Variants in TMTC4 observed in about 807,000 individuals in gnomAD.
TMTC4 encodes protein O-mannosyl-transferase TMTC4.
A neutral mutation model predicts 86.0 loss-of-function variants in TMTC4; 65 were observed. That is an observed-to-expected ratio of 0.76 (90% confidence interval 0.62 to 0.93). The LOEUF (loss-of-function observed/expected upper bound fraction) is 0.93. Ranked by LOEUF, TMTC4 falls within the 40% of genes least tolerant of loss-of-function variation. TMTC4 has a pLI of 0.00. For missense variants in TMTC4, 866 were observed against 948.1 expected, an observed-to-expected ratio of 0.91 and a Z score of 1.14; for synonymous variants, 379 against 382.5, an observed-to-expected ratio of 0.99 and a Z score of 0.11.
chr13:100,618,288 T>C (rs944465543), intron 15 of TMTC4, among the ~76,000 whole-genome samples: 2 of 152,154 alleles, frequency 1.3e-5, no homozygotes, highest in African/African-American at 4.8e-5. Flanking sequence ...TGAAGAGAGA[T>C]AGCTTGACTT....
At chr13:100,668,101 T>C (rs1886611455) in intron 3 of TMTC4, among the ~76,000 whole-genome samples, 1 of 152,288 alleles carries the variant, frequency 6.6e-6, no homozygotes, top group Middle Eastern at 3.4e-3. Flanking sequence ...GTCAGCAGGC[T>C]GTCCCGACAG....
At chr13:100,634,017 G>A (rs991941551) in intron 12 of TMTC4, among the ~76,000 whole-genome samples, 2 of 151,958 alleles carry the variant, frequency 1.3e-5, no homozygotes, top group Admixed American at 6.5e-5. Context: ...GCAAGCGCCT[G>A]TAATCTAGCT....
At chr13:100,613,769 C>T (rs1336121268) in intron 16 of TMTC4, among the ~76,000 whole-genome samples, 1 of 138,720 alleles carries the variant, frequency 7.2e-6, no homozygotes. Flanking sequence ...CCCTCCCTTC[C>T]CTCCCTCCCT....
At chr13:100,651,581 C>A (rs1344647166) in intron 6 of TMTC4, among the ~76,000 whole-genome samples, 1 of 149,378 alleles carries the variant, frequency 6.7e-6, no homozygotes, top group Non-Finnish European at 1.5e-5. Flanking sequence ...TACTAGGATT[C>A]CAGAGGTTAG....
At chr13:100,658,249 G>A (rs1158964475) in intron 5 of TMTC4, among the ~76,000 whole-genome samples, 1 of 152,124 alleles carries the variant, frequency 6.6e-6, no homozygotes, top group African/African-American at 2.4e-5. Context: ...GGGTCCTATG[G>A]GGTATGTCTA....
At position 100,635,148 on chromosome 13, in the gene TMTC4, G is replaced by A. The variant is rs559777662; in HGVS notation, c.1250C>T (p.Ala417Val). The change falls in exon 11 of 19, where the codon GCG (alanine) becomes GTG (valine). Residue 417 changes from alanine to valine, a missense_variant. Transcript: ENST00000342624. Reference protein sequence around the residue: ...LGFLVIPFLPASNLFFRVGFV... With the variant: ...LGFLVIPFLPVSNLFFRVGFV... ...GCCCACTCGGAAGAACAGGTTACTC[G>A]CGGGGAGAAATGGGATAACGAGAAA... The A allele has an allele frequency of 8.7e-6, 14 of 1,613,462 alleles. No homozygotes were observed. Among genetic ancestry groups the A allele is most frequent in the East Asian group, 6.7e-5 (3 of 44,878 alleles).
intron 12 of TMTC4, among the ~76,000 whole-genome samples, chr13:100,627,318 G>T (rs940087047): frequency 3.9e-5 from 6 of 152,198 alleles, no homozygotes; most frequent in African/African-American, 1.4e-4. Flanking sequence ...GTCTGTAAGT[G>T]TGTGAGTGCC....
chr13:100,651,211 C>T (rs887910525), intron 6 of TMTC4, among the ~76,000 whole-genome samples: 9 of 152,172 alleles, frequency 5.9e-5, no homozygotes, highest in African/African-American at 2.2e-4. Context: ...AGTTTAGAAA[C>T]GAAATTGTTT....
intron 15 of TMTC4, among the ~76,000 whole-genome samples, chr13:100,621,272 C>T (rs1020979302): frequency 3.2e-4 from 48 of 152,078 alleles, no homozygotes; most frequent in Admixed American, 3.1e-3. Context: ...ACTGCAGTGA[C>T]GGGCAGCTAC....
intron 6 of TMTC4, among the ~76,000 whole-genome samples, chr13:100,647,333 T>C (rs955744969): frequency 6.6e-6 from 1 of 152,222 alleles, no homozygotes; most frequent in African/African-American, 2.4e-5. Context: ...GATGGTGCCA[T>C]GGCCGGGCTC....
chr13:100,650,741 G>A (rs1411892327), intron 6 of TMTC4, among the ~76,000 whole-genome samples: 1 of 152,242 alleles, frequency 6.6e-6, no homozygotes, highest in African/African-American at 2.4e-5. Context: ...ACAGGGAAAA[G>A]AGAATCTGCA....
chr13:100,636,689 G>C lies in TMTC4; in HGVS notation c.1045C>G (p.Leu349Val), dbSNP rs748964395. The change falls in exon 10 of 19, where the codon CTG (leucine) becomes GTG (valine). Residue 349 changes from leucine to valine, a missense_variant. Leu to Val is a conservative substitution (Grantham distance 32). Transcript: ENST00000342624. The part of the protein sequence containing the change: ...YYYSLNAWLL[L>V]CPWWLCFDWS... ...TCAAAACACAGCCACCAGGGACACA[G>C]CAGCAGCCAGGCATTCAATGAATAG... is the stretch of plus-strand genomic sequence containing the variant. 2 of 1,614,078 alleles carry C rather than the reference G, an allele frequency of 1.2e-6. No homozygotes were observed. The highest frequency in any genetic ancestry group is 1.7e-6 in the Non-Finnish European group (2 of 1,180,046).
rs1462383234 is a variant in TMTC4 at position 100,612,411 on chromosome 13, G to C, written c.2051C>G (p.Ser684Cys). 2 of 1,608,074 alleles carry C rather than the reference G, an allele frequency of 1.2e-6. No homozygotes were observed. Among genetic ancestry groups the C allele is most frequent in the African/African-American group, 2.7e-5 (2 of 74,624 alleles). Residue 684 changes from serine (S) to cysteine (C), a missense_variant, in exon 17 of 19, where the codon TCC (serine) becomes TGC (cysteine). By Grantham distance (112) the Ser-to-Cys change is moderately radical (BLOSUM62 -1). Coordinates refer to ENST00000342624, the MANE Select transcript of TMTC4 (RefSeq NM_032813.5). ...MFSLANVLGK[S>C]QKYKESEALF... Reference sequence around the variant, plus strand: ...CGGTTTACGCACCTTGTATTTCTGGGATTTCCCCAGCACGTTTGCCAACGA... The same window carrying C: ...CGGTTTACGCACCTTGTATTTCTGGCATTTCCCCAGCACGTTTGCCAACGA...
chr13:100,644,794 A>C (rs1594323624), intron 6 of TMTC4, among the ~76,000 whole-genome samples: 1 of 151,794 alleles, frequency 6.6e-6, no homozygotes, highest in East Asian at 2.0e-4. Context: ...CTGAGATCCC[A>C]TTGTCTCATA....
chr13:100,615,420 C>T (rs937266180), intron 15 of TMTC4, among the ~76,000 whole-genome samples: 35 of 151,116 alleles, frequency 2.3e-4, no homozygotes, highest in African/African-American at 8.0e-4. Flanking sequence ...GGATTACAGG[C>T]GTGAGCCACC....
At position 100,668,637 on chromosome 13, in the gene TMTC4, G is replaced by A; in HGVS notation, c.161C>T (p.Ala54Val). 6.2e-7 allele frequency: 1 copy of A among 1,614,202 alleles called. No individual in the cohort carries two copies. The highest frequency in any genetic ancestry group is 1.3e-5 in the African/African-American group (1 of 75,048). Residue 54 changes from alanine to valine, a missense_variant, in exon 3 of 19, where the codon GCA becomes GTA. Ala to Val is a moderately conservative substitution (Grantham distance 64). Transcript: ENST00000342624. ...GACAAAGTCTCCATCATAGCTGCGT[G>A]CAAAACACACAATGGCAACCGATCC... ...VVGSVAIVCF[A>V]RSYDGDFVFD...
intron 1 of TMTC4, chr13:100,673,437 A>G: frequency 1.1e-6 from 1 of 878,272 alleles, no homozygotes; most frequent in Non-Finnish European, 1.4e-6. Context: ...TCAATCACAT[A>G]GCCAGCCATC....
Position 100,636,585 on chromosome 13 carries a change from G to C in TMTC4, c.1149C>G (p.Cys383Trp), listed in dbSNP as rs757082718. The change falls in exon 10 of 19, where the codon TGC becomes TGG. Residue 383 changes from cysteine (C) to tryptophan (W), a missense_variant. Coordinates refer to ENST00000342624, the MANE Select transcript of TMTC4 (RefSeq NM_032813.5). ...GGGCTTGGCATATCAGGCCAATTAG[G>C]CAGAACCAGAGTGCTGCAAGTGCAA... ...RVIALAALWFCLIGLICQALC... is the reference protein window; with the variant it reads ...RVIALAALWFWLIGLICQALC... 1.7e-5 allele frequency: 27 copies of C among 1,614,076 alleles called. No individual in the cohort carries two copies. Among genetic ancestry groups the C allele is most frequent in the Non-Finnish European group, 2.2e-5 (26 of 1,180,048 alleles).
Position 100,604,580 on chromosome 13 carries a change from G to A in TMTC4, c.*414C>T, listed in dbSNP as rs567311509. 6.5e-6 allele frequency: 1 copy of A among 153,516 alleles called. No individual in the cohort carries two copies. The highest frequency in any genetic ancestry group is 1.9e-4 in the East Asian group (1 of 5,214). 9.5% of individuals were successfully genotyped at this position (153,516 alleles called of 1,614,324 possible). A position where few individuals can be genotyped will look rare whatever the true frequency, so the allele number is the denominator to read the frequency against. On this transcript the variant is annotated 3_prime_UTR_variant, in exon 19 of 19. Coordinates refer to ENST00000342624, the MANE Select transcript of TMTC4 (RefSeq NM_032813.5). ...AATAAAAATGCTAATATATAGACAT[G>A]TTCAATATTTATACAAATTGTAGGG... is the stretch of plus-strand genomic sequence containing the variant.
Sources: gnomAD v4.1 joint callset for allele counts (sites outside exome capture counted in the v4.1 genomes callset) on GRCh38, gnomAD v4.1.1 for gene constraint, MANE v1.5 for transcripts, NCBI Gene and HGNC (gene_info 2026-07-23, HGNC 2026-07-21) for gene names.